Variants in SHROOM3 observed in about 807,000 individuals in gnomAD.
SHROOM3 encodes shroom family member 3, also known as protein Shroom3.
In SHROOM3, 47 loss-of-function variants were observed where a neutral mutation model predicts 138.6. The observed-to-expected ratio is 0.34, with a 90% CI of 0.27 to 0.43. The LOEUF (loss-of-function observed/expected upper bound fraction) is 0.43, where lower values mean the gene tolerates loss of function less well. Among genes scored for constraint, SHROOM3 ranks in the 20% least tolerant of loss-of-function variants. The pLI, the probability that SHROOM3 is intolerant of heterozygous loss-of-function variation, is 1.00. For missense variants in SHROOM3, 2,491 were observed against 2,596.5 expected (o/e 0.96, Z 0.88); for synonymous variants, 1,062 against 1,063.3 (o/e 1.00, Z 0.02).
intron 2 of SHROOM3, among the ~76,000 whole-genome samples, chr4:76,588,683 G>A (rs1488586740): frequency 6.6e-6 from 1 of 152,110 alleles, no homozygotes; most frequent in African/African-American, 2.4e-5. Context: ...GAGCAGCTGG[G>A]TGAAGACCTC....
chr4:76,762,138 T>C (rs1459583200), intron 9 of SHROOM3, among the ~76,000 whole-genome samples: 1 of 152,170 alleles, frequency 6.6e-6, no homozygotes, highest in Non-Finnish European at 1.5e-5. Flanking sequence ...AAGCAACTAG[T>C]TTGTCCTTTC....
At chr4:76,706,806 G>A (rs1560597171) in intron 2 of SHROOM3, among the ~76,000 whole-genome samples, 1 of 152,210 alleles carries the variant, frequency 6.6e-6, no homozygotes, top group African/African-American at 2.4e-5. Flanking sequence ...CAGGCAACTA[G>A]CAGCCAGTGT....
intron 6 of SHROOM3, among the ~76,000 whole-genome samples, chr4:76,750,438 CACTT>C (rs1475182281): frequency 1.3e-5 from 2 of 152,200 alleles, no homozygotes; most frequent in Non-Finnish European, 2.9e-5. Context: ...TGCACGTTCT[CACTT>C]ACAAGTGGAA....
intron 1 of SHROOM3, among the ~76,000 whole-genome samples, chr4:76,444,494 T>C (rs1053751232): frequency 1.0e-4 from 13 of 126,530 alleles, no homozygotes; most frequent in Admixed American, 6.4e-4. Flanking sequence ...CTTTTTTTTT[T>C]TTTTTTTTTT....
intron 2 of SHROOM3, among the ~76,000 whole-genome samples, chr4:76,623,836 G>A (rs1465718377): frequency 1.3e-5 from 2 of 152,162 alleles, no homozygotes; most frequent in Middle Eastern, 3.2e-3. Context: ...GATTTGAAAT[G>A]AGAGATCTGG....
chr4:76,631,268 G>T (rs1264776165), intron 2 of SHROOM3, among the ~76,000 whole-genome samples: 9 of 141,856 alleles, frequency 6.3e-5, no homozygotes, highest in African/African-American at 2.4e-4. Flanking sequence ...GAGTGTAGTG[G>T]TGCAATCTTG....
intron 1 of SHROOM3, among the ~76,000 whole-genome samples, chr4:76,439,817 G>A (rs939970417): frequency 9.9e-5 from 15 of 152,190 alleles, no homozygotes; most frequent in Non-Finnish European, 1.5e-4. Context: ...ATGAATGGCC[G>A]TAAAGGATCT....
chr4:76,775,626 A>C (rs896392288), intron 10 of SHROOM3, among the ~76,000 whole-genome samples: 37 of 151,800 alleles, frequency 2.4e-4, no homozygotes, highest in Admixed American at 2.3e-3. Context: ...TTGCAACTGC[A>C]AAAAAGGGAA....
chr4:76,473,774 T>A (rs919178691), intron 1 of SHROOM3, among the ~76,000 whole-genome samples: 1 of 152,156 alleles, frequency 6.6e-6, no homozygotes, highest in African/African-American at 2.4e-5. Flanking sequence ...AGTATCACTT[T>A]ATACCCTCTA....
chr4:76,452,488 A>G (rs1392860023), intron 1 of SHROOM3, among the ~76,000 whole-genome samples: 1 of 152,194 alleles, frequency 6.6e-6, no homozygotes, highest in East Asian at 1.9e-4. Flanking sequence ...ATCATACAAT[A>G]TTTGTTCTTT....
intron 2 of SHROOM3, among the ~76,000 whole-genome samples, chr4:76,565,401 G>T (rs995938508): frequency 6.6e-6 from 1 of 152,106 alleles, no homozygotes; most frequent in African/African-American, 2.4e-5. Context: ...CTTAAATTGG[G>T]CTACACATTG....
At chr4:76,778,076 A>AC (rs1343635430) in intron 10 of SHROOM3, among the ~76,000 whole-genome samples, 2 of 152,096 alleles carry the variant, frequency 1.3e-5, no homozygotes, top group African/African-American at 4.8e-5. Flanking sequence ...GCTGGGCCTC[A>AC]CCTCCAGAGT....
At chr4:76,714,638 C>A (rs1481369917) in intron 3 of SHROOM3, among the ~76,000 whole-genome samples, 3 of 152,160 alleles carry the variant, frequency 2.0e-5, no homozygotes, top group Non-Finnish European at 4.4e-5. Flanking sequence ...ATGGAAATAT[C>A]CTGTTTCTCC....
intron 1 of SHROOM3, among the ~76,000 whole-genome samples, chr4:76,553,210 T>A (rs1733401418): frequency 6.6e-6 from 1 of 152,108 alleles, no homozygotes; most frequent in Non-Finnish European, 1.5e-5. Flanking sequence ...TGGACTGGAG[T>A]GGAGAGCAGT....
At chr4:76,565,076 G>T (rs1432405574) in intron 2 of SHROOM3, among the ~76,000 whole-genome samples, 1 of 149,720 alleles carries the variant, frequency 6.7e-6, no homozygotes, top group African/African-American at 2.5e-5. Flanking sequence ...CAGGAGAATC[G>T]CTTGAACCCA....
At chr4:76,443,173 G>A (rs548115471) in intron 1 of SHROOM3, among the ~76,000 whole-genome samples, 5 of 152,132 alleles carry the variant, frequency 3.3e-5, no homozygotes, top group East Asian at 3.9e-4. Context: ...AAAGTCTTAC[G>A]CATTTTTTAG....
At chr4:76,735,098 T>A (rs1279844118) in intron 4 of SHROOM3, among the ~76,000 whole-genome samples, 1 of 151,914 alleles carries the variant, frequency 6.6e-6, no homozygotes, top group Non-Finnish European at 1.5e-5. Context: ...AGAAGAGCAA[T>A]AGAAAATGAG....
chr4:76,744,263 A>G (rs1424778651), intron 5 of SHROOM3, among the ~76,000 whole-genome samples: 1 of 152,342 alleles, frequency 6.6e-6, no homozygotes, highest in East Asian at 1.9e-4. Context: ...TTTAGATGTT[A>G]TTTAATTTGG....
At chr4:76,447,938 A>G (rs537478141) in intron 1 of SHROOM3, among the ~76,000 whole-genome samples, 1 of 152,140 alleles carries the variant, frequency 6.6e-6, no homozygotes, top group Non-Finnish European at 1.5e-5. Flanking sequence ...ACATATTGCA[A>G]ATTTCTGAAC....
Sources: allele counts gnomAD v4.1 joint callset (sites outside exome capture counted in the v4.1 genomes callset), GRCh38; gene constraint gnomAD v4.1.1; transcripts MANE v1.5; gene names NCBI Gene and HGNC (gene_info 2026-07-23, HGNC 2026-07-21).